Variants in ABHD2 observed in about 807,000 individuals in gnomAD.
The protein encoded by ABHD2 is abhydrolase domain containing 2, acylglycerol lipase.
Under a neutral mutation model 48.1 loss-of-function variants are expected in ABHD2, and 20 were observed. That is an observed-to-expected ratio of 0.42 (90% CI 0.29 to 0.60). ABHD2 has a LOEUF of 0.60. Ranked by LOEUF, ABHD2 falls within the 20% of genes least tolerant of loss-of-function variation. The pLI is 0.24. For missense variants in ABHD2, 405 were observed against 550.9 expected (o/e 0.74, Z 2.65); for synonymous variants, 209 against 214.2 (o/e 0.98, Z 0.21).
Position 89,195,484 on chromosome 15 carries a change from C to A in ABHD2, c.*61C>A. On this transcript the variant is annotated 3_prime_UTR_variant, in exon 11 of 11. Transcript: ENST00000352732. The surrounding 1 kb of genome is among the most constrained non-coding windows in gnomAD (Gnocchi z 5.1). ...TCTGGAAGCTGCGTCCCCTCACCCC[C>A]TGTTTCAGGTCTCCCATCTCCCTCA... is the stretch of plus-strand genomic sequence containing the variant. 6.5e-7 allele frequency: 1 copy of A among 1,543,018 alleles called. No individual in the cohort carries two copies. Among genetic ancestry groups the A allele is most frequent in the Non-Finnish European group, 8.7e-7 (1 of 1,144,162 alleles).
chr15:89,147,281 T>G lies in ABHD2; in HGVS notation c.195-4396T>G, dbSNP rs527878880. On this transcript the variant is annotated intron_variant, in intron 3 of 10. Transcript: ENST00000352732. ...GTAAGTGGATTTAAGGTTAATACAT[T>G]TTTTAAAACTATAGAAGTAATAGAA... Among the ~76,000 whole-genome samples the G allele has an allele frequency of 5.0e-4, 76 of 152,146 alleles. 1 individual carries two copies. Among genetic ancestry groups the G allele is most frequent in the African/African-American group, 1.7e-3 (70 of 41,452 alleles).
At chr15:89,067,453 C>T in the ABHD2 span, among the ~76,000 whole-genome samples, 1,773 of 152,068 alleles carry the variant, frequency 0.012, 40 homozygotes, top group African/African-American at 0.041. Flanking sequence ...ATTCCAGAGG[C>T]CACAAGGAGT....
At chr15:89,191,627 CTTTTTTTTT>C (rs57919032) in intron 9 of ABHD2, among the ~76,000 whole-genome samples, 1 of 121,744 alleles carries the variant, frequency 8.2e-6, no homozygotes, top group East Asian at 2.2e-4. Context: ...CTATTTTTTT[CTTTTTTTTT>C]TTTTTTTTTG....
the ABHD2 span, among the ~76,000 whole-genome samples, chr15:89,041,727 C>T: frequency 3.3e-5 from 5 of 152,240 alleles, no homozygotes; most frequent in East Asian, 3.9e-4. Flanking sequence ...GGGAAAGCAG[C>T]TCTGCCCCTC....
At chr15:89,149,218 C>CACACAA (rs1292240862) in intron 3 of ABHD2, among the ~76,000 whole-genome samples, 122 of 146,172 alleles carry the variant, frequency 8.3e-4, no homozygotes, top group African/African-American at 3.0e-3. Flanking sequence ...ATCCCTAACA[C>CACACAA]ACACACACAC....
At chr15:89,178,712 T>C (rs1321241649) in intron 6 of ABHD2, among the ~76,000 whole-genome samples, 1 of 152,200 alleles carries the variant, frequency 6.6e-6, no homozygotes, top group East Asian at 1.9e-4. Flanking sequence ...AATCACCTGG[T>C]ATCCGGCAGA....
At chr15:89,148,387 T>C (rs746646187) in intron 3 of ABHD2, among the ~76,000 whole-genome samples, 3 of 152,144 alleles carry the variant, frequency 2.0e-5, no homozygotes, top group Non-Finnish European at 4.4e-5. Flanking sequence ...AAACACAAGT[T>C]GAAACAAGAT....
intron 1 of ABHD2, among the ~76,000 whole-genome samples, chr15:89,109,542 C>T (rs1024429548): frequency 2.0e-5 from 3 of 151,932 alleles, no homozygotes; most frequent in African/African-American, 7.3e-5. Context: ...GACTTCTTTT[C>T]CCTATCTAGG....
chr15:89,176,604 T>C lies in ABHD2; in HGVS notation c.722+609T>C, dbSNP rs1041864647. 5.9e-5 allele frequency among the ~76,000 whole-genome samples: 9 copies of C among 152,294 alleles called. No individual in the cohort carries two copies. The highest frequency in any genetic ancestry group is 5.9e-4 in the Admixed American group (9 of 15,300). On this transcript the variant is annotated intron_variant, in intron 6 of 10. Transcript: ENST00000352732. The surrounding 1 kb of genome is among the most constrained non-coding windows in gnomAD (Gnocchi z 4.5). ...TGAGTCCCAGGAGGGCGTGGTCATCTGCCCCGATTCCCCTGAAGATCACTG... is the reference window on the plus strand; with the variant it reads ...TGAGTCCCAGGAGGGCGTGGTCATCCGCCCCGATTCCCCTGAAGATCACTG...
At chr15:89,101,386 G>A (rs1567066903) in intron 1 of ABHD2, among the ~76,000 whole-genome samples, 2 of 152,194 alleles carry the variant, frequency 1.3e-5, no homozygotes, top group African/African-American at 2.4e-5. Flanking sequence ...CCAGGCCACA[G>A]TGAGCTTTCT....
Position 89,201,260 on chromosome 15 carries a change from A to C in ABHD2, c.*5837A>C. On this transcript the variant is annotated 3_prime_UTR_variant, in exon 11 of 11. Coordinates refer to ENST00000352732, the MANE Select transcript of ABHD2 (RefSeq NM_152924.5). ...GTGTTGATTTGCTTCTGATAGCTTC[A>C]TCATTTCTCCCTGAAGTCTTTTACA... is the stretch of plus-strand genomic sequence containing the variant. 8.2e-7 allele frequency: 1 copy of C among 1,221,766 alleles called. No individual in the cohort carries two copies. The highest frequency in any genetic ancestry group is 1.2e-6 in the Non-Finnish European group (1 of 839,618). 75.7% of individuals were successfully genotyped at this position (1,221,766 alleles called of 1,614,324 possible).
chr15:89,131,492 C>A (rs370985033), intron 3 of ABHD2, among the ~76,000 whole-genome samples: 6 of 152,200 alleles, frequency 3.9e-5, no homozygotes, highest in Non-Finnish European at 8.8e-5. Flanking sequence ...GGATGGGAAG[C>A]CCTTCCAGAG....
In ABHD2 at chr15:89,120,734, C is replaced by G. The variant is rs141746148; in HGVS notation, c.194+4213C>G. ...ACTGTTGACCTCGTGATCCGCCCGC[C>G]TCGGCCTTCCAAAGTGCTGCGATTA... On this transcript the variant is annotated intron_variant, in intron 3 of 10. Coordinates refer to ENST00000352732, the MANE Select transcript of ABHD2 (RefSeq NM_152924.5). This position sits in a 1 kb window ranked among gnomAD's most constrained non-coding sequence, Gnocchi z 4.2. 2.0e-5 allele frequency: 3 copies of G among 152,248 alleles called. No homozygotes were observed. Among genetic ancestry groups the G allele is most frequent in the African/African-American group, 7.2e-5 (3 of 41,456 alleles). 9.4% of individuals were successfully genotyped at this position (152,248 alleles called of 1,614,324 possible). A position where few individuals can be genotyped will look rare whatever the true frequency, so the allele number is the denominator to read the frequency against.
At chr15:89,045,805 A>G in the ABHD2 span, among the ~76,000 whole-genome samples, 16 of 152,194 alleles carry the variant, frequency 1.1e-4, no homozygotes, top group African/African-American at 2.9e-4. Flanking sequence ...GGCTGAGACA[A>G]TGGGGTTTTC....
rs569308796 is a variant in ABHD2 at position 89,182,268 on chromosome 15, G to A, written c.723-3156G>A. On this transcript the variant is annotated intron_variant, in intron 6 of 10. Transcript: ENST00000352732. This position sits in a 1 kb window ranked among gnomAD's most constrained non-coding sequence, Gnocchi z 4.8. ...TGGAGTCATCCTGGTTCTTTCTGAA[G>A]TTTTGAAACCTACCCTCCTTCCAGC... Among the ~76,000 whole-genome samples the A allele has an allele frequency of 3.0e-4, 46 of 152,272 alleles. No homozygotes were observed. Among genetic ancestry groups the A allele is most frequent in the Non-Finnish European group, 5.4e-4 (37 of 68,028 alleles).
chr15:89,194,447 AAAAAAAT>A (rs2051361029), intron 10 of ABHD2, among the ~76,000 whole-genome samples: 1 of 152,122 alleles, frequency 6.6e-6, no homozygotes, highest in Admixed American at 6.6e-5. Flanking sequence ...ACTCTGTCCC[AAAAAAAT>A]AAAAAATAAA....
chr15:89,069,608 C>A, the ABHD2 span, among the ~76,000 whole-genome samples: 1 of 148,462 alleles, frequency 6.7e-6, no homozygotes, highest in Non-Finnish European at 1.5e-5. Flanking sequence ...TTAGTTTTGC[C>A]TGCTTGCAAA....
At chr15:89,055,196 CA>C in the ABHD2 span, among the ~76,000 whole-genome samples, 2 of 151,988 alleles carry the variant, frequency 1.3e-5, no homozygotes, top group Non-Finnish European at 2.9e-5. Flanking sequence ...AAACCCAGTC[CA>C]AAAAACTTTT....
chr15:89,082,090 C>T, the ABHD2 span, among the ~76,000 whole-genome samples: 1 of 152,090 alleles, frequency 6.6e-6, no homozygotes, highest in African/African-American at 2.4e-5. This position sits in a 1 kb window ranked among gnomAD's most constrained non-coding sequence, Gnocchi z 4.4. Flanking sequence ...GTCAACAGCA[C>T]CCCTGCAGTT....
Sources: allele counts gnomAD v4.1 joint callset (sites outside exome capture counted in the v4.1 genomes callset), GRCh38; gene constraint gnomAD v4.1.1; non-coding constraint Gnocchi (gnomAD v3.1); transcripts MANE v1.5; gene names NCBI Gene and HGNC (gene_info 2026-07-23, HGNC 2026-07-21).